Variants in TMEM63C observed in about 807,000 individuals in gnomAD.
TMEM63C encodes the protein transmembrane protein 63C.
TMEM63C carries 32 observed loss-of-function variants against 99.2 expected under a neutral mutation model. The ratio of observed to expected loss-of-function variants is 0.32; its 90% confidence interval spans 0.24 to 0.43. TMEM63C has a LOEUF of 0.43. Ranked by LOEUF, TMEM63C falls within the 20% of genes least tolerant of loss-of-function variation. TMEM63C has a pLI of 1.00. For synonymous variants in TMEM63C, 376 were observed against 397.9 expected (o/e 0.94, Z 0.66); for missense variants, 826 against 1,053.0 (o/e 0.78, Z 2.98).
chr14:77,240,413 C>T (rs1594866612), intron 12 of TMEM63C, 62 bp from the exon 13 acceptor site: 18 of 1,536,346 alleles, frequency 1.2e-5, no homozygotes, highest in East Asian at 4.7e-5. Flanking sequence ...GGAGGAACCT[C>T]GTGACCAGGG....
intron 11 of TMEM63C, 34 bp downstream of exon 11, chr14:77,239,526 G>A (rs755140206): frequency 1.2e-6 from 2 of 1,612,612 alleles, no homozygotes; most frequent in African/African-American, 2.7e-5. Context: ...GGGGCCCGGG[G>A]TGGGGGTAAA....
At chr14:77,205,352 G>A (rs1255766456) in intron 1 of TMEM63C, among the ~76,000 whole-genome samples, 1 of 152,230 alleles carries the variant, frequency 6.6e-6, no homozygotes, top group Non-Finnish European at 1.5e-5. Flanking sequence ...TCATCTGTGA[G>A]CCCTTCTCAC....
At chr14:77,221,978 C>T (rs1370566923) in intron 5 of TMEM63C, among the ~76,000 whole-genome samples, 1 of 152,008 alleles carries the variant, frequency 6.6e-6, no homozygotes, top group Non-Finnish European at 1.5e-5. Context: ...CCGGGAGTCC[C>T]CCCAACCAGC....
chr14:77,219,814 T>C (rs1888657055), intron 4 of TMEM63C, among the ~76,000 whole-genome samples, 192 bp from the exon 5 acceptor site: 1 of 152,242 alleles, frequency 6.6e-6, no homozygotes, highest in Non-Finnish European at 1.5e-5. Context: ...AACTCCCAGA[T>C]GCCTGGTGTA....
intron 2 of TMEM63C, among the ~76,000 whole-genome samples, chr14:77,214,031 G>A (rs570475860): frequency 6.6e-6 from 1 of 152,128 alleles, no homozygotes; most frequent in South Asian, 2.1e-4. Flanking sequence ...CAGACTCCCA[G>A]GCCACCTCCT....
intron 5 of TMEM63C, among the ~76,000 whole-genome samples, chr14:77,224,025 A>G (rs1490568859): frequency 1.3e-5 from 2 of 151,870 alleles, no homozygotes; most frequent in Non-Finnish European, 2.9e-5. Context: ...TGCCACCACC[A>G]TGCTATTTCC....
At chr14:77,192,005 A>G (rs1445028683) in intron 1 of TMEM63C, among the ~76,000 whole-genome samples, 1 of 152,142 alleles carries the variant, frequency 6.6e-6, no homozygotes, top group Non-Finnish European at 1.5e-5. Flanking sequence ...GTGCATATGT[A>G]TTTATAGTTG....
chr14:77,240,752 T>A, intron 13 of TMEM63C, 144 bp downstream of exon 13: 1 of 1,074,898 alleles, frequency 9.3e-7, no homozygotes, highest in Non-Finnish European at 1.3e-6. Flanking sequence ...GGCTCTCCAG[T>A]GGATGAGATG....
intron 16 of TMEM63C, among the ~76,000 whole-genome samples, chr14:77,245,532 G>A (rs1889255462): frequency 6.6e-6 from 1 of 152,178 alleles, no homozygotes; most frequent in Non-Finnish European, 1.5e-5. Context: ...ACTCAAGACT[G>A]GGTAATTAAC....
rs201830039 is a variant in TMEM63C, at chr14:77,244,498, C to T, written c.1448+43C>T. On this transcript the variant is annotated intron_variant, in intron 16 of 23. Coordinates refer to ENST00000298351, the MANE Select transcript of TMEM63C (RefSeq NM_020431.4). Reference sequence around the variant, plus strand: ...TCTCGTAGCCCTGTGGTTTCTCCAGCCTCTTCCCCTGCCCTGGCTTCCCCG... The same window carrying T: ...TCTCGTAGCCCTGTGGTTTCTCCAGTCTCTTCCCCTGCCCTGGCTTCCCCG... The T allele has an allele frequency of 3.3e-4, 489 of 1,504,544 alleles. 2 individuals carry two copies. In the African/African-American group the frequency reaches 6.0e-3, roughly 18 times the overall value. 93.2% of individuals were successfully genotyped at this position (1,504,544 alleles called of 1,614,324 possible). A position where few individuals can be genotyped will look rare whatever the true frequency, so the allele number is the denominator to read the frequency against.
chr14:77,239,837 C>T, intron 12 of TMEM63C, 111 bp downstream of exon 12: 1 of 1,403,294 alleles, frequency 7.1e-7, no homozygotes, highest in Non-Finnish European at 9.5e-7. Flanking sequence ...CAGGTCTGCT[C>T]TAGTGCTCCC....
At chr14:77,233,599 G>C (rs1277075417) in intron 8 of TMEM63C, 99 bp downstream of exon 8, 1 of 1,263,226 alleles carries the variant, frequency 7.9e-7, no homozygotes, top group Non-Finnish European at 1.1e-6. Flanking sequence ...GCGTTTTGCT[G>C]ATAAGAAAGG....
intron 1 of TMEM63C, among the ~76,000 whole-genome samples, chr14:77,198,705 TG>T (rs549119658): frequency 5.6e-4 from 86 of 152,326 alleles, no homozygotes; most frequent in African/African-American, 1.8e-3. Context: ...TGGTGGTTTT[TG>T]GCAGGAGCAG....
chr14:77,197,101 T>C (rs1227169292), intron 1 of TMEM63C, among the ~76,000 whole-genome samples: 1 of 152,238 alleles, frequency 6.6e-6, no homozygotes, highest in East Asian at 1.9e-4. Context: ...GAGGAAGGAT[T>C]AGAGAGTCCA....
At position 77,256,789 on chromosome 14, in the gene TMEM63C, G is replaced by A; in HGVS notation, c.*63G>A. Reference sequence around the variant, plus strand: ...GTCAGGGGAGGGCCTGGCAAGGGGAGGCAGGAGGGTGGCCTGGACCTCCCC... The same window carrying A: ...GTCAGGGGAGGGCCTGGCAAGGGGAAGCAGGAGGGTGGCCTGGACCTCCCC... On this transcript the variant is annotated 3_prime_UTR_variant, in exon 24 of 24. Coordinates refer to ENST00000298351, the MANE Select transcript of TMEM63C (RefSeq NM_020431.4). 7 of 1,540,050 alleles carry A rather than the reference G, an allele frequency of 4.5e-6. No individual in the cohort carries two copies. The highest frequency in any genetic ancestry group is 6.2e-6 in the Non-Finnish European group (7 of 1,126,290).
At chr14:77,232,191 CAG>C (rs1005978106) in intron 7 of TMEM63C, among the ~76,000 whole-genome samples, 46 of 152,186 alleles carry the variant, frequency 3.0e-4, no homozygotes, top group African/African-American at 1.1e-3. Context: ...GCTTCTAAAA[CAG>C]AAAAATCATG....
chr14:77,197,890 G>A (rs561010624), intron 1 of TMEM63C, among the ~76,000 whole-genome samples: 1 of 152,364 alleles, frequency 6.6e-6, no homozygotes, highest in South Asian at 2.1e-4. Context: ...TGGAAGTGCA[G>A]TCACCTACAG....
At chr14:77,245,331 T>C (rs1187714178) in intron 16 of TMEM63C, among the ~76,000 whole-genome samples, 1 of 152,160 alleles carries the variant, frequency 6.6e-6, no homozygotes, top group Non-Finnish European at 1.5e-5. Context: ...CAGCTCACAG[T>C]GGTGTATGGA....
At chr14:77,215,614 A>AAAAAAAAAAAAAAAAAAGAAAAG (rs772701077) in intron 2 of TMEM63C, among the ~76,000 whole-genome samples, 1 of 76,528 alleles carries the variant, frequency 1.3e-5, no homozygotes, top group African/African-American at 5.6e-5. Flanking sequence ...AAAAAAAAAA[A>AAAAAAAAAAAAAAAAAAGAAAAG]AAAAGAAAAG....
Sources: gnomAD v4.1 joint callset for allele counts (sites outside exome capture counted in the v4.1 genomes callset) on GRCh38, gnomAD v4.1.1 for gene constraint, MANE v1.5 for transcripts, NCBI Gene and HGNC (gene_info 2026-07-23, HGNC 2026-07-21) for gene names.